Variants in HOMER2 observed in about 807,000 individuals in gnomAD.
HOMER2 encodes homer scaffold protein 2.
A neutral mutation model predicts 47.0 loss-of-function variants in HOMER2; 27 were observed. The ratio of observed to expected loss-of-function variants is 0.57; its 90% CI spans 0.42 to 0.79. HOMER2 has a LOEUF of 0.79. Ranked by LOEUF, HOMER2 falls within the 30% of genes least tolerant of loss-of-function variation. The pLI, the probability that HOMER2 is intolerant of heterozygous loss-of-function variation, is 0.00. For synonymous variants in HOMER2, 161 were observed against 163.8 expected (o/e 0.98, Z 0.13); for missense variants, 443 against 435.0 (o/e 1.02, Z -0.16).
At chr15:82,952,813 G>A (rs1567074136), upstream of HOMER2, 2 of 652,710 alleles carry the variant, frequency 3.1e-6, no homozygotes, top group African/African-American at 2.0e-5. Flanking sequence ...TAACCTCGTG[G>A]CCCCCGGGCC....
upstream of HOMER2, among the ~76,000 whole-genome samples, chr15:82,955,074 C>A (rs111268578): frequency 9.2e-5 from 14 of 152,128 alleles, no homozygotes; most frequent in Admixed American, 9.2e-4. Context: ...CCGTGCCCGG[C>A]CCATTCTGTT....
At chr15:82,862,699 T>C (rs918100702) in intron 4 of HOMER2, among the ~76,000 whole-genome samples, 1 of 152,170 alleles carries the variant, frequency 6.6e-6, no homozygotes, top group African/African-American at 2.4e-5. Context: ...TCAGGAAAGT[T>C]CCTGTCTACC....
intron 2 of HOMER2, among the ~76,000 whole-genome samples, chr15:82,876,464 T>C (rs946093695): frequency 1.7e-4 from 26 of 152,166 alleles, no homozygotes; most frequent in African/African-American, 4.8e-4. Flanking sequence ...ATCAAACAAT[T>C]GATAAGGGTT....
chr15:82,969,823 T>G (rs906881637), intron 1 of HOMER2, among the ~76,000 whole-genome samples: 1 of 152,130 alleles, frequency 6.6e-6, no homozygotes, highest in Non-Finnish European at 1.5e-5. Context: ...ATTCCAACAA[T>G]TACTGGATAG....
At chr15:82,908,827 G>T (rs2151143122) in intron 1 of HOMER2, among the ~76,000 whole-genome samples, 1 of 152,218 alleles carries the variant, frequency 6.6e-6, no homozygotes, top group East Asian at 1.9e-4. Context: ...TTGGGCAACT[G>T]AGAGGAGATT....
At position 82,867,379 on chromosome 15, in the gene HOMER2, A is replaced by G. The variant is rs182836420; in HGVS notation, c.295-3120T>C. ...TTGAATATAAAAGGAAAAAAAAAAAAAACTAAACCAGAAGGGAAACAACAG... is the reference window on the plus strand; with the variant it reads ...TTGAATATAAAAGGAAAAAAAAAAAGAACTAAACCAGAAGGGAAACAACAG... On this transcript the variant is annotated intron_variant, in intron 3 of 8. Coordinates refer to ENST00000450735, the MANE Select transcript of HOMER2 (RefSeq NM_004839.4). Among the ~76,000 whole-genome samples, 51 of 152,148 alleles carry G rather than the reference A, an allele frequency of 3.4e-4. No individual in the cohort carries two copies. In the East Asian group the frequency reaches 9.5e-3, roughly 28 times the overall value.
chr15:82,930,919 G>C (rs1390173349), intron 1 of HOMER2, among the ~76,000 whole-genome samples: 2 of 134,512 alleles, frequency 1.5e-5, no homozygotes, highest in African/African-American at 6.7e-5. Context: ...CCAGCTACTT[G>C]GGGGGGCTGA....
chr15:82,866,564 ACT>A (rs886266666), intron 3 of HOMER2, among the ~76,000 whole-genome samples: 5 of 151,926 alleles, frequency 3.3e-5, no homozygotes, highest in Non-Finnish European at 7.4e-5. Context: ...ATATGGTTTG[ACT>A]CTGTGTCCCC....
At chr15:82,914,265 C>T (rs2053525564) in intron 1 of HOMER2, among the ~76,000 whole-genome samples, 1 of 148,114 alleles carries the variant, frequency 6.8e-6, no homozygotes, top group Admixed American at 6.8e-5. Flanking sequence ...GTAGTCCCAG[C>T]TACTTGGGAG....
chr15:82,892,178 C>A (rs1432904520), intron 2 of HOMER2, among the ~76,000 whole-genome samples: 1 of 152,110 alleles, frequency 6.6e-6, no homozygotes, highest in Non-Finnish European at 1.5e-5. Flanking sequence ...AGATACAATA[C>A]CCAATGCTGG....
chr15:82,867,102 T>G (rs1256342667), intron 3 of HOMER2, among the ~76,000 whole-genome samples: 1 of 151,980 alleles, frequency 6.6e-6, no homozygotes, highest in Admixed American at 6.6e-5. Context: ...TTTAGTAAAT[T>G]GAGAGAAATG....
At position 82,859,251 on chromosome 15, in the gene HOMER2, T is replaced by C. The variant is rs2051693723; in HGVS notation, c.388-116A>G. The C allele has an allele frequency of 4.7e-6, 7 of 1,496,818 alleles. No individual in the cohort carries two copies. The South Asian group carries it at 7.4e-5, about 16-fold the overall frequency. The allele number at this position is 1,496,818 out of a possible 1,614,324, so 92.7% of individuals were successfully genotyped here. On this transcript the variant is annotated intron_variant, in intron 4 of 8. Coordinates refer to ENST00000450735, the MANE Select transcript of HOMER2 (RefSeq NM_004839.4). The stretch of plus-strand genomic sequence containing the variant: ...TAGGCATAATAAGAAACTTTACGAG[T>C]GTGGACGAACCAACTCATCCAACCA...
chr15:82,854,905 G>GC, intron 5 of HOMER2, 105 bp from the exon 6 acceptor site: 1 of 1,315,648 alleles, frequency 7.6e-7, no homozygotes, highest in Non-Finnish European at 1.0e-6. Flanking sequence ...CCCCTGGGGG[G>GC]CCCACGCCCT....
intron 4 of HOMER2, among the ~76,000 whole-genome samples, chr15:82,862,518 A>G (rs2051827751): frequency 6.6e-6 from 1 of 152,194 alleles, no homozygotes; most frequent in Non-Finnish European, 1.5e-5. Context: ...TATTAAACTT[A>G]AATATATCAC....
chr15:82,860,335 G>A (rs886331636), intron 4 of HOMER2, among the ~76,000 whole-genome samples: 2 of 152,110 alleles, frequency 1.3e-5, no homozygotes, highest in African/African-American at 2.4e-5. Flanking sequence ...ATTTACGGAT[G>A]AAATGAAACA....
intron 1 of HOMER2, among the ~76,000 whole-genome samples, chr15:82,929,214 C>G (rs1341722825): frequency 6.6e-6 from 1 of 151,956 alleles, no homozygotes; most frequent in Admixed American, 6.6e-5. Flanking sequence ...TAGAAGTGAT[C>G]GTAATATACA....
rs954077998 is a variant in HOMER2 at position 82,880,093 on chromosome 15, GC to G, written c.163-4690del. 9.1e-4 allele frequency among the ~76,000 whole-genome samples: 138 copies of G among 152,226 alleles called. 1 individual carries two copies. The highest frequency in any genetic ancestry group is 3.9e-4 in the Admixed American group (6 of 15,276). On this transcript the variant is annotated intron_variant, in intron 2 of 8. Transcript: ENST00000450735. ...AAAACTGAATAACAGATTATTTAGGGCAGGGGTCAGCAAACTATAACCCTCA... is the reference window on the plus strand; with the variant it reads ...AAAACTGAATAACAGATTATTTAGGGAGGGGTCAGCAAACTATAACCCTCA...
intron 1 of HOMER2, among the ~76,000 whole-genome samples, chr15:82,896,325 G>A (rs1370121075): frequency 2.0e-5 from 3 of 152,184 alleles, no homozygotes; most frequent in Non-Finnish European, 4.4e-5. Flanking sequence ...GAAGATGGCA[G>A]AGCTTCCTGA....
intron 1 of HOMER2, among the ~76,000 whole-genome samples, chr15:82,944,476 A>G (rs953397587): frequency 1.3e-5 from 2 of 152,216 alleles, no homozygotes; most frequent in Admixed American, 6.5e-5. Context: ...TGGGGGGAAA[A>G]AACAAAGTCT....
Sources: allele counts gnomAD v4.1 joint callset (sites outside exome capture counted in the v4.1 genomes callset), GRCh38; gene constraint gnomAD v4.1.1; transcripts MANE v1.5; gene names NCBI Gene and HGNC (gene_info 2026-07-23, HGNC 2026-07-21).